The following ADGRF5 variants were observed in gnomAD, a reference collection of about 807,000 sequenced individuals.
The protein encoded by ADGRF5 is G-protein coupled receptor 116.
ADGRF5 carries 75 observed loss-of-function variants against 132.3 expected under a neutral mutation model. The observed-to-expected ratio is 0.57, with a 90% CI of 0.47 to 0.69. The LOEUF (loss-of-function observed/expected upper bound fraction) is 0.69. ADGRF5 is among the 30% of genes least tolerant of loss of function. ADGRF5 has a pLI of 0.00. For synonymous variants in ADGRF5, 629 were observed against 597.6 expected (o/e 1.05, Z -0.77); for missense variants, 1,516 against 1,630.6 (o/e 0.93, Z 1.21).
rs1307672865 is a variant in ADGRF5, at chr6:46,858,538, G to C, written c.3365C>G (p.Thr1122Arg). Residue 1122 changes from threonine to arginine, a missense_variant, in exon 17 of 21, where the codon ACA (threonine) becomes AGA (arginine). Around this residue, in one of 2 missense-constraint regions of ADGRF5, gnomAD observed 571 missense variants for 701.2 expected, o/e 0.81. Transcript: ENST00000283296. ...AATGGCTTTCTGAGTGGACCTGCTT[G>C]TTTCATGCAGAATGAAAACCAGGCG... ...FYRLVFILHE[T>R]SRSTQKAIAF... 1 of 1,613,810 alleles carries C rather than the reference G, an allele frequency of 6.2e-7. No homozygotes were observed. The highest frequency in any genetic ancestry group is 1.7e-5 in the Admixed American group (1 of 59,984).
intron 17 of ADGRF5, among the ~76,000 whole-genome samples, chr6:46,857,186 T>A (rs1302746769): frequency 1.3e-5 from 2 of 152,234 alleles, no homozygotes; most frequent in Non-Finnish European, 2.9e-5. Context: ...ACACCTCTTG[T>A]GTCTACAATA....
upstream of ADGRF5, among the ~76,000 whole-genome samples, chr6:46,924,475 G>A (rs7740774): frequency 0.01 from 1,563 of 152,270 alleles, 28 homozygotes; most frequent in African/African-American, 0.035. Context: ...TCCTCTTAAC[G>A]TAAGAGTGTC....
intron 1 of ADGRF5, among the ~76,000 whole-genome samples, chr6:46,941,387 C>CAAAGAAAAAAAAGAAAAGA (rs1778040599): frequency 2.4e-5 from 2 of 83,120 alleles, no homozygotes. Flanking sequence ...AAGAAAGAAA[C>CAAAGAAAAAAAAGAAAAGA]AAAGAAAAGA....
At position 46,868,903 on chromosome 6, in the gene ADGRF5, G is replaced by T; in HGVS notation, c.1601C>A (p.Thr534Asn). 1 of 1,610,992 alleles carries T rather than the reference G, an allele frequency of 6.2e-7. No individual in the cohort carries two copies. Among genetic ancestry groups the T allele is most frequent in the Non-Finnish European group, 8.5e-7 (1 of 1,177,264 alleles). The change falls in exon 12 of 21, where the codon ACC (threonine) becomes AAC (asparagine). Residue 534 changes from threonine to asparagine, a missense_variant. This residue lies in a region of ADGRF5 where 945 missense variants were observed against 929.4 expected (regional missense o/e 1.02). Coordinates refer to ENST00000283296, the MANE Select transcript of ADGRF5 (RefSeq NM_001098518.2). ...DGAESVLTVKTSTREWNGTYH... is the reference protein window; with the variant it reads ...DGAESVLTVKNSTREWNGTYH... ...CTCACCATTCCACTCCCTGGTCGAG[G>T]TCTTGACTGTCAGTACTGATTCTGC...
chr6:46,921,141 T>C (rs220718), intron 1 of ADGRF5, among the ~76,000 whole-genome samples: 137,731 of 152,254 alleles, frequency 0.9, 62,416 homozygotes, highest in Non-Finnish European at 0.92. Context: ...TCCTTCCTAA[T>C]GCTGACTACA....
intron 1 of ADGRF5, among the ~76,000 whole-genome samples, chr6:46,950,918 G>C (rs1778474275): frequency 6.6e-6 from 1 of 152,114 alleles, no homozygotes; most frequent in African/African-American, 2.4e-5. Context: ...CAAAGACTTG[G>C]CAAGATACAA....
intron 3 of ADGRF5, among the ~76,000 whole-genome samples, chr6:46,889,217 G>A (rs1773376070): frequency 6.8e-6 from 1 of 146,560 alleles, no homozygotes; most frequent in South Asian, 2.1e-4. Context: ...AATATATAGA[G>A]AGAGTATATA....
chr6:46,862,729 T>TTTTTTTTTTTTTTTTTTTTTG (rs1769923094), intron 15 of ADGRF5, among the ~76,000 whole-genome samples, 159 bp downstream of exon 15: 1 of 101,618 alleles, frequency 9.8e-6, no homozygotes, highest in African/African-American at 3.3e-5. Context: ...TTTTTTTTTT[T>TTTTTTTTTTTTTTTTTTTTTG]GCATTTCTAG....
At chr6:46,928,664 G>A (rs370164360) in intron 1 of ADGRF5, among the ~76,000 whole-genome samples, 1 of 152,064 alleles carries the variant, frequency 6.6e-6, no homozygotes, top group Non-Finnish European at 1.5e-5. Flanking sequence ...CTCTCTTAGA[G>A]GTCTGAGTCT....
At chr6:46,942,072 CCA>C (rs1778111220) in intron 1 of ADGRF5, among the ~76,000 whole-genome samples, 1 of 152,174 alleles carries the variant, frequency 6.6e-6, no homozygotes, top group African/African-American at 2.4e-5. Flanking sequence ...ACTGTGTTCT[CCA>C]GTCTGCCAAC....
At chr6:46,883,053 G>A (rs959303942) in intron 6 of ADGRF5, among the ~76,000 whole-genome samples, 1 of 152,236 alleles carries the variant, frequency 6.6e-6, no homozygotes, top group Admixed American at 6.5e-5. Flanking sequence ...AAGCACTCAA[G>A]ACAGGGCTGA....
At chr6:46,931,887 T>C (rs992826630) in intron 1 of ADGRF5, among the ~76,000 whole-genome samples, 4 of 152,208 alleles carry the variant, frequency 2.6e-5, no homozygotes, top group African/African-American at 9.6e-5. Context: ...GCCATTGCGC[T>C]CCAGCCTGGG....
chr6:46,953,067 T>C (rs1778561857), intron 1 of ADGRF5, among the ~76,000 whole-genome samples: 1 of 152,188 alleles, frequency 6.6e-6, no homozygotes, highest in South Asian at 2.1e-4. Context: ...CTTAGTTTAG[T>C]TGCAAAGTCA....
At chr6:46,859,653 C>T (rs1402299749) in intron 16 of ADGRF5, 130 bp from the exon 17 acceptor site, 25 of 626,668 alleles carry the variant, frequency 4.0e-5, no homozygotes, top group Non-Finnish European at 6.2e-5. Flanking sequence ...TGAGACATCA[C>T]AGGCAGTGGG....
chr6:46,867,195 C>T lies in ADGRF5; in HGVS notation c.1622-58G>A. ...GGAAATAATCGCCCTTCAAAAGCATCTGCTGGGAAGGTTAAGAAGAGGCTT... is the reference window on the plus strand; with the variant it reads ...GGAAATAATCGCCCTTCAAAAGCATTTGCTGGGAAGGTTAAGAAGAGGCTT... On this transcript the variant is annotated intron_variant, in intron 12 of 20. Transcript: ENST00000283296. The T allele has an allele frequency of 1.1e-5, 11 of 1,032,290 alleles. No individual in the cohort carries two copies. In the South Asian group the frequency reaches 1.2e-4, roughly 11 times the overall value. The allele number at this position is 1,032,290 out of a possible 1,614,324, so 63.9% of individuals were successfully genotyped here. A position where few individuals can be genotyped will look rare whatever the true frequency, so the allele number is the denominator to read the frequency against.
At chr6:46,923,191 G>A (rs1777077836), upstream of ADGRF5, among the ~76,000 whole-genome samples, 1 of 152,220 alleles carries the variant, frequency 6.6e-6, no homozygotes, top group Admixed American at 6.5e-5. Flanking sequence ...CTCCCAAAGT[G>A]CTGGGATTAC....
At chr6:46,900,194 T>C (rs1302956972) in intron 2 of ADGRF5, 111 bp from the exon 3 acceptor site, 2 of 812,514 alleles carry the variant, frequency 2.5e-6, no homozygotes, top group African/African-American at 3.4e-5. Flanking sequence ...GCTGCAGACT[T>C]TGGGTTAGCA....
chr6:46,909,608 G>A (rs1775735972), intron 1 of ADGRF5, among the ~76,000 whole-genome samples: 1 of 152,190 alleles, frequency 6.6e-6, no homozygotes, highest in African/African-American at 2.4e-5. Flanking sequence ...ACCATTAATG[G>A]CATTCTCTTG....
At chr6:46,882,129 A>T (rs1274390130) in intron 6 of ADGRF5, 22 bp from the exon 7 acceptor site, 1 of 1,559,152 alleles carries the variant, frequency 6.4e-7, no homozygotes, top group African/African-American at 1.4e-5. Context: ...AGCAAGATGA[A>T]TGTCATATAT....
Sources: gnomAD v4.1 joint callset for allele counts (sites outside exome capture counted in the v4.1 genomes callset) on GRCh38, gnomAD v4.1.1 for gene constraint, gnomAD v4.1.1 regional missense constraint, MANE v1.5 for transcripts, NCBI Gene and HGNC (gene_info 2026-07-23, HGNC 2026-07-21) for gene names.